SAMD11: variants seen among roughly 807,000 people sequenced by gnomAD.
SAMD11 encodes the protein sterile alpha motif domain-containing protein 11.
SAMD11 carries 77 observed loss-of-function variants against 64.4 expected under a neutral mutation model. That is an observed-to-expected ratio of 1.20 (90% CI 0.99 to 1.44). The LOEUF is 1.44. Among genes scored for constraint, SAMD11 ranks in the 40% most tolerant of loss-of-function variants. The pLI is 0.00. For synonymous variants in SAMD11, 658 were observed against 421.9 expected (o/e 1.56, Z -6.86); for missense variants, 1,402 against 943.3 (o/e 1.49, Z -6.37).
Position 924,778 on chromosome 1 carries a change from T to C in SAMD11, c.347T>C (p.Ile116Thr), listed in dbSNP as rs1299308088. The C allele has an allele frequency of 6.6e-6, 1 of 151,956 alleles. No homozygotes were observed. Among genetic ancestry groups the C allele is most frequent in the Non-Finnish European group, 1.5e-5 (1 of 67,988 alleles). 9.4% of individuals were successfully genotyped at this position (151,956 alleles called of 1,614,324 possible). ...QPLLDNGEPC[I>T]EVECGANRAL... ...CTGCTGGACAACGGCGAGCCGTGCATCGAGGTGGAGTGCGGCGCCAACCGC... is the reference window on the plus strand; with the variant it reads ...CTGCTGGACAACGGCGAGCCGTGCACCGAGGTGGAGTGCGGCGCCAACCGC... Residue 116 changes from isoleucine to threonine, a missense_variant, in exon 1 of 14, where the codon ATC (isoleucine) becomes ACC (threonine). Coordinates refer to ENST00000616016, the MANE Select transcript of SAMD11 (RefSeq NM_001385641.1).
chr1:941,168 T>C lies in SAMD11; in HGVS notation c.1220T>C (p.Val407Ala), dbSNP rs1325071715. ...SHDLLRVRQE[V>A]AAAALRGPSG... ...GATCTCCTGAGGGTCCGGCAGGAGG[T>C]GGCGGCTGCAGCTCTGAGGGGCCCC... The change falls in exon 8 of 14, where the codon GTG becomes GCG. Residue 407 changes from valine to alanine, a missense_variant. Coordinates refer to ENST00000616016, the MANE Select transcript of SAMD11 (RefSeq NM_001385641.1). 6.2e-7 allele frequency: 1 copy of C among 1,600,372 alleles called. No homozygotes were observed.
intron 7 of SAMD11, chr1:940,499 G>C (rs1641698229): frequency 6.6e-6 from 1 of 152,254 alleles, no homozygotes; most frequent in Non-Finnish European, 1.5e-5. Flanking sequence ...GGTGGAGCTG[G>C]CGGAGCCTGC....
rs763211155 is a variant in SAMD11, at chr1:943,343, T to TG, written c.2150dup (p.Leu718ProfsTer186). 13 of 1,596,266 alleles carry TG rather than the reference T, an allele frequency of 8.1e-6. No individual in the cohort carries two copies. The highest frequency in any genetic ancestry group is 2.2e-5 in the South Asian group (2 of 89,296). On this transcript the variant is annotated frameshift_variant, in exon 12 of 14. Transcript: ENST00000616016. LOFTEE classifies it high-confidence loss of function. ...ACCGTGGATGACGTCTGCAGCTTCG[T>TG]GGGGGGCCTGTCTGGCTGTGGAGAG...
chr1:943,193 A>T (rs138806857), intron 11 of SAMD11, 60 bp from the exon 12 acceptor site: 2 of 1,608,786 alleles, frequency 1.2e-6, no homozygotes, highest in African/African-American at 1.3e-5. Context: ...CACGACGGTC[A>T]GGAGACGGGC....
In SAMD11 at chr1:942,127, C is replaced by G. The variant is rs530087426; in HGVS notation, c.1359-9C>G. 4 of 1,155,004 alleles carry G rather than the reference C, an allele frequency of 3.5e-6. No individual in the cohort carries two copies. The highest frequency in any genetic ancestry group is 3.0e-5 in the East Asian group (1 of 33,034). 71.5% of individuals were successfully genotyped at this position (1,155,004 alleles called of 1,614,324 possible). A position where few individuals can be genotyped will look rare whatever the true frequency, so the allele number is the denominator to read the frequency against. ...GGGGGGACGCCGCTCATTGCGCTGCCGTCCACAGGGAGCTGCCTCAGCCGC... is the reference window on the plus strand; with the variant it reads ...GGGGGGACGCCGCTCATTGCGCTGCGGTCCACAGGGAGCTGCCTCAGCCGC... On this transcript the variant is annotated splice_polypyrimidine_tract_variant and intron_variant, in intron 8 of 13. Transcript: ENST00000616016.
At chr1:936,538 G>T (rs1557605483) in intron 5 of SAMD11, among the ~76,000 whole-genome samples, 1 of 152,144 alleles carries the variant, frequency 6.6e-6, no homozygotes, top group Admixed American at 6.5e-5. Flanking sequence ...GGGGGACCAG[G>T]CCCCCCTCAG....
intron 6 of SAMD11, 33 bp downstream of exon 6, chr1:939,162 C>G (rs1641613398): frequency 1.3e-6 from 2 of 1,559,848 alleles, no homozygotes; most frequent in African/African-American, 2.7e-5. Flanking sequence ...AGACAGGTCA[C>G]CAGGGGAGGG....
intron 12 of SAMD11, 131 bp from the exon 13 acceptor site, chr1:943,567 G>A (rs1167227789): frequency 3.1e-5 from 26 of 838,306 alleles, no homozygotes; most frequent in Non-Finnish European, 4.2e-5. Flanking sequence ...TTTTCTGCCT[G>A]ACACTCAAAC....
rs1266348364 is a variant in SAMD11, at chr1:943,989, C to A, written c.2371C>A (p.Pro791Thr). The change falls in exon 14 of 14, where the codon CCG becomes ACG. Residue 791 changes from proline to threonine, a missense_variant. Transcript: ENST00000616016. ...ACTGCAGCCACCAACCCTGCGGGCC[C>A]CGGAGCGAGAACTCGGCACAGGAGA... ...LPLQPPTLRA[P>T]ERELGTGEQP... 3 of 1,612,748 alleles carry A rather than the reference C, an allele frequency of 1.9e-6. No homozygotes were observed. Among genetic ancestry groups the A allele is most frequent in the Non-Finnish European group, 2.5e-6 (3 of 1,179,994 alleles).
chr1:941,786 G>A (rs1641783906), intron 8 of SAMD11, among the ~76,000 whole-genome samples: 1 of 152,106 alleles, frequency 6.6e-6, no homozygotes, highest in Non-Finnish European at 1.5e-5. Context: ...CCCGGCCGCT[G>A]AGCCCGGCGT....
At position 939,338 on chromosome 1, in the gene SAMD11, T is replaced by C. The variant is rs1557607343; in HGVS notation, c.1121T>C (p.Leu374Pro). ...SMAPEDHYRRLVSALSEASTF... is the reference protein window; with the variant it reads ...SMAPEDHYRRPVSALSEASTF... ...GCCCCGGAGGACCATTACCGCCGGC[T>C]TGTGTCAGCACTGAGCGAGGCCAGC... The change falls in exon 7 of 14, where the codon CTT (leucine) becomes CCT (proline). Residue 374 changes from leucine to proline, a missense_variant. Transcript: ENST00000616016. The C allele has an allele frequency of 1.2e-6, 2 of 1,612,354 alleles. No individual in the cohort carries two copies. The highest frequency in any genetic ancestry group is 1.7e-5 in the Admixed American group (1 of 59,926).
Position 944,330 on chromosome 1 carries a change from C to CAG in SAMD11, c.*180_*181dup. On this transcript the variant is annotated 3_prime_UTR_variant, in exon 14 of 14. Coordinates refer to ENST00000616016, the MANE Select transcript of SAMD11 (RefSeq NM_001385641.1). ...TTTCAAAGACTTGGGGGAGTGAAGG[C>CAG]AGAGCCTGGTGCAGATGGACGAGGT... The CAG allele has an allele frequency of 7.2e-7, 1 of 1,382,854 alleles. No homozygotes were observed. Among genetic ancestry groups the CAG allele is most frequent in the Non-Finnish European group, 9.3e-7 (1 of 1,075,644 alleles). The allele number at this position is 1,382,854 out of a possible 1,614,324, so 85.7% of individuals were successfully genotyped here. A position where few individuals can be genotyped will look rare whatever the true frequency, so the allele number is the denominator to read the frequency against.
chr1:938,399 G>A (rs1641574706), intron 5 of SAMD11, among the ~76,000 whole-genome samples: 1 of 151,674 alleles, frequency 6.6e-6, no homozygotes, highest in African/African-American at 2.4e-5. Flanking sequence ...GAAGCCCAGA[G>A]CCTGGCTGGG....
chr1:941,133 C>T lies in SAMD11; in HGVS notation c.1196-11C>T. 1.3e-6 allele frequency: 2 copies of T among 1,590,648 alleles called. No homozygotes were observed. Among genetic ancestry groups the T allele is most frequent in the South Asian group, 2.3e-5 (2 of 87,704 alleles). ...TAGCCGGGGGGATCACTGCTGTTGT[C>T]CCCCACCCAGATCTCCTGAGGGTCC... On this transcript the variant is annotated splice_polypyrimidine_tract_variant and intron_variant, in intron 7 of 13. Coordinates refer to ENST00000616016, the MANE Select transcript of SAMD11 (RefSeq NM_001385641.1).
In SAMD11 at chr1:943,278, T is replaced by G. The variant is rs775911538; in HGVS notation, c.2079T>G (p.Asp693Glu). The change falls in exon 12 of 14, where the codon GAT (aspartate) becomes GAG (glutamate). Residue 693 changes from aspartate (D) to glutamate (E), a missense_variant. Transcript: ENST00000616016. ...GCGCGGTAGGGGGACTCTCCATGGA[T>G]GGGGAGGAGGCCCCAGCCCCTGAGG... ...HTGAVGGLSMDGEEAPAPEDV... is the reference protein window; with the variant it reads ...HTGAVGGLSMEGEEAPAPEDV... 2.5e-6 allele frequency: 4 copies of G among 1,612,508 alleles called. No homozygotes were observed. In the South Asian group the frequency reaches 4.4e-5, roughly 18 times the overall value.
Position 944,351 on chromosome 1 carries a change from G to C in SAMD11, c.*198G>C. 2 of 1,368,254 alleles carry C rather than the reference G, an allele frequency of 1.5e-6. No homozygotes were observed. Among genetic ancestry groups the C allele is most frequent in the Non-Finnish European group, 1.9e-6 (2 of 1,067,696 alleles). The allele number at this position is 1,368,254 out of a possible 1,614,324, so 84.8% of individuals were successfully genotyped here. ...AAGGCAGAGCCTGGTGCAGATGGAC[G>C]AGGTCTGCAGACGGAGGGCAGAGGT... is the stretch of plus-strand genomic sequence containing the variant. On this transcript the variant is annotated 3_prime_UTR_variant, in exon 14 of 14. Coordinates refer to ENST00000616016, the MANE Select transcript of SAMD11 (RefSeq NM_001385641.1).
chr1:943,234 AAC>A lies in SAMD11; in HGVS notation c.2054-16_2054-15del, dbSNP rs761341010. 9 of 1,612,466 alleles carry A rather than the reference AAC, an allele frequency of 5.6e-6. No homozygotes were observed. The East Asian group carries it at 6.7e-5, about 12-fold the overall frequency. ...TGGGAAAGCCAGCCAGAGCCCTAGT[AAC>A]ACGCCCCACAACTCAGGCGCGGTAG... On this transcript the variant is annotated splice_polypyrimidine_tract_variant and intron_variant, in intron 11 of 13. Coordinates refer to ENST00000616016, the MANE Select transcript of SAMD11 (RefSeq NM_001385641.1).
chr1:940,519 G>C (rs1305483254), intron 7 of SAMD11: 2 of 152,310 alleles, frequency 1.3e-5, no homozygotes. Context: ...CATAGTGGGG[G>C]CTGCGGGGAC....
intron 7 of SAMD11, chr1:940,580 C>T (rs1253303548): frequency 1.3e-5 from 2 of 152,498 alleles, no homozygotes; most frequent in African/African-American, 2.4e-5. Context: ...GACGCGGCGC[C>T]TTAGACGCGG....
Sources: allele counts gnomAD v4.1 joint callset (sites outside exome capture counted in the v4.1 genomes callset), GRCh38; gene constraint gnomAD v4.1.1; transcripts MANE v1.5; gene names NCBI Gene and HGNC (gene_info 2026-07-23, HGNC 2026-07-21).